Variants in MPV17L observed in about 807,000 individuals in gnomAD.
MPV17L encodes MPV17 mitochondrial inner membrane protein like, also known as mpv17-like protein.
MPV17L carries 24 observed loss-of-function variants against 25.8 expected under a neutral mutation model. That is an observed-to-expected ratio of 0.93 (90% CI 0.67 to 1.31). MPV17L has a LOEUF of 1.31. MPV17L is among the 50% of genes most tolerant of loss of function. The probability of loss-of-function intolerance (pLI) is 0.00; values close to 1 mark genes in which losing one functional copy is unlikely to be tolerated. For synonymous variants in MPV17L, 102 were observed against 115.3 expected (o/e 0.88, Z 0.74); for missense variants, 250 against 265.6 (o/e 0.94, Z 0.41).
chr16:15,401,813 T>G (rs1266527763), intron 2 of MPV17L, among the ~76,000 whole-genome samples: 2 of 151,984 alleles, frequency 1.3e-5, no homozygotes, highest in South Asian at 4.1e-4. Flanking sequence ...CAAGACTCCA[T>G]CTCAAAAAAG....
At chr16:15,400,498 G>A (rs542682516) in intron 1 of MPV17L, among the ~76,000 whole-genome samples, 5 of 151,782 alleles carry the variant, frequency 3.3e-5, no homozygotes, top group African/African-American at 1.2e-4. Flanking sequence ...CTACAGGCAC[G>A]CTACTACACC....
chr16:15,396,071 C>A lies in MPV17L; in HGVS notation c.174C>A (p.Phe58Leu), dbSNP rs2150903062. Residue 58 changes from phenylalanine (F) to leucine (L), a missense_variant, in exon 1 of 4, where the codon TTC becomes TTA. Phe to Leu is a conservative substitution (Grantham distance 22, BLOSUM62 0). Transcript: ENST00000396385. ...TRRVATLVVT[F>L]HANFNYVWLR... The stretch of plus-strand genomic sequence containing the variant: ...GCGTGGCCACGTTGGTGGTGACCTT[C>A]CACGCCAACTTCAACTACGTGTGGC... 3.2e-6 allele frequency: 5 copies of A among 1,545,068 alleles called. No homozygotes were observed. The highest frequency in any genetic ancestry group is 4.4e-6 in the Non-Finnish European group (5 of 1,148,518).
intron 1 of MPV17L, among the ~76,000 whole-genome samples, chr16:15,397,409 G>A (rs2050596480): frequency 6.6e-6 from 1 of 152,138 alleles, no homozygotes; most frequent in Non-Finnish European, 1.5e-5. Flanking sequence ...CCAGGGTTGG[G>A]GAAGAACAGG....
intron 2 of MPV17L, among the ~76,000 whole-genome samples, chr16:15,404,960 GC>G (rs1368531703): frequency 6.6e-6 from 1 of 152,082 alleles, no homozygotes; most frequent in Non-Finnish European, 1.5e-5. Context: ...TATTTTTAGC[GC>G]TCACATGTCC....
At chr16:15,407,722 A>G in intron 2 of MPV17L, 102 bp from the exon 3 acceptor site, 21 of 1,153,244 alleles carry the variant, frequency 1.8e-5, no homozygotes, top group Non-Finnish European at 2.4e-5. Flanking sequence ...AGTCTGGGCA[A>G]CAGAGTGAGA....
chr16:15,407,354 G>A (rs1198768109), intron 2 of MPV17L, among the ~76,000 whole-genome samples: 1 of 152,042 alleles, frequency 6.6e-6, no homozygotes, highest in African/African-American at 2.4e-5. Flanking sequence ...AAGTTAATCA[G>A]CTTAGTCTGA....
rs138400822 is a variant in MPV17L, at chr16:15,399,993, G to A, written c.311-794G>A. 3.4e-3 allele frequency among the ~76,000 whole-genome samples: 524 copies of A among 152,182 alleles called. 5 individuals carry two copies. The highest frequency in any genetic ancestry group is 0.012 in the African/African-American group (496 of 41,544). On this transcript the variant is annotated intron_variant, in intron 1 of 3. Transcript: ENST00000396385. ...CTAATTTTGTATTTTTAGTAGAGACGGGGTTTCTCCATGTTGGTCAGGCTG... is the reference window on the plus strand; with the variant it reads ...CTAATTTTGTATTTTTAGTAGAGACAGGGTTTCTCCATGTTGGTCAGGCTG...
chr16:15,407,268 T>C (rs115698711), intron 2 of MPV17L, among the ~76,000 whole-genome samples: 1 of 152,210 alleles, frequency 6.6e-6, no homozygotes, highest in African/African-American at 2.4e-5. Flanking sequence ...ATAATTAATA[T>C]AGGAATGTCT....
Position 15,409,339 on chromosome 16 carries a change from C to A in MPV17L, c.*1227C>A. 2 of 152,794 alleles carry A rather than the reference C, an allele frequency of 1.3e-5. No individual in the cohort carries two copies. Among genetic ancestry groups the A allele is most frequent in the South Asian group, 3.8e-4 (2 of 5,226 alleles). 9.5% of individuals were successfully genotyped at this position (152,794 alleles called of 1,614,324 possible). ...GAGCTCAAGCTAAGCCATCATATCC[C>A]AGTGACCTGCACATATACATCCAGA... On this transcript the variant is annotated 3_prime_UTR_variant, in exon 4 of 4. Transcript: ENST00000396385.
In MPV17L at chr16:15,400,957, TA is replaced by T. The variant is rs1206316418; in HGVS notation, c.381+106del. The T allele has an allele frequency of 7.7e-6, 6 of 775,996 alleles. No homozygotes were observed. The East Asian group carries it at 1.1e-4, about 14-fold the overall frequency. 48.1% of individuals were successfully genotyped at this position (775,996 alleles called of 1,614,324 possible). A position where few individuals can be genotyped will look rare whatever the true frequency, so the allele number is the denominator to read the frequency against. On this transcript the variant is annotated intron_variant, in intron 2 of 3. Transcript: ENST00000396385. ...GTTTTGTGTTTATATTTATAAAGAT[TA>T]AAAAATCTTTTAATTGACACATATA...
rs1239497351 is a variant in MPV17L at position 15,412,009 on chromosome 16, C to G, written c.*3897C>G. ...GCCCAGTTTACTTGTAATTAAAAATCATGCATCATTCACAATTTATCAGTC... is the reference window on the plus strand; with the variant it reads ...GCCCAGTTTACTTGTAATTAAAAATGATGCATCATTCACAATTTATCAGTC... On this transcript the variant is annotated 3_prime_UTR_variant, in exon 4 of 4. Transcript: ENST00000396385. 4 of 152,164 alleles carry G rather than the reference C, an allele frequency of 2.6e-5. No individual in the cohort carries two copies. Among genetic ancestry groups the G allele is most frequent in the African/African-American group, 9.7e-5 (4 of 41,438 alleles). The allele number at this position is 152,164 out of a possible 1,614,324, so 9.4% of individuals were successfully genotyped here.
intron 1 of MPV17L, among the ~76,000 whole-genome samples, chr16:15,398,894 G>A (rs1598422624): frequency 6.6e-6 from 1 of 152,000 alleles, no homozygotes; most frequent in African/African-American, 2.4e-5. Flanking sequence ...TCACCTGGCC[G>A]GTTTTCAGTT....
chr16:15,397,796 C>G (rs975899933), intron 1 of MPV17L, among the ~76,000 whole-genome samples: 5 of 138,206 alleles, frequency 3.6e-5, no homozygotes, highest in Non-Finnish European at 8.1e-5. Flanking sequence ...ACACAAACCA[C>G]CTGGTTGCCT....
At chr16:15,397,490 C>T (rs1241549755) in intron 1 of MPV17L, among the ~76,000 whole-genome samples, 3 of 152,072 alleles carry the variant, frequency 2.0e-5, no homozygotes, top group African/African-American at 7.2e-5. Context: ...TTGGAGATCC[C>T]CCGTCTGCTC....
chr16:15,405,960 G>A (rs1228592876), intron 2 of MPV17L, among the ~76,000 whole-genome samples: 1 of 151,778 alleles, frequency 6.6e-6, no homozygotes, highest in Non-Finnish European at 1.5e-5. Flanking sequence ...AGGCCAAGGC[G>A]GGCAGATCAC....
At chr16:15,401,088 T>TATA (rs56114822) in intron 2 of MPV17L, among the ~76,000 whole-genome samples, 94 of 55,628 alleles carry the variant, frequency 1.7e-3, no homozygotes, top group African/African-American at 4.3e-3. Context: ...ATATATATAT[T>TATA]TTTTTTTTTT....
chr16:15,405,551 C>T (rs1479512533), intron 2 of MPV17L, among the ~76,000 whole-genome samples: 1 of 150,722 alleles, frequency 6.6e-6, no homozygotes, highest in Non-Finnish European at 1.5e-5. Flanking sequence ...CGAATTCAAG[C>T]GACTCTCCTG....
chr16:15,395,786 C>A lies in MPV17L; in HGVS notation c.-112C>A. The A allele has an allele frequency of 1.0e-6, 1 of 983,158 alleles. No individual in the cohort carries two copies. The highest frequency in any genetic ancestry group is 1.4e-6 in the Non-Finnish European group (1 of 727,648). 60.9% of individuals were successfully genotyped at this position (983,158 alleles called of 1,614,324 possible). On this transcript the variant is annotated 5_prime_UTR_variant, in exon 1 of 4. Coordinates refer to ENST00000396385, the MANE Select transcript of MPV17L (RefSeq NM_001128423.2). ...CCGGAGCTTCTGGAGGGGGCAGATG[C>A]AGGTGCCGGCTGCTGCAGTGCAGTA...
chr16:15,400,772 G>A lies in MPV17L; in HGVS notation c.311-15G>A. The A allele has an allele frequency of 6.3e-7, 1 of 1,575,430 alleles. No individual in the cohort carries two copies. Among genetic ancestry groups the A allele is most frequent in the East Asian group, 2.3e-5 (1 of 44,422 alleles). ...TACTGAATCTTTTAAAATTTTTTTT[G>A]GGTTTTGCAAATAGGTATGAGCATT... On this transcript the variant is annotated splice_polypyrimidine_tract_variant and intron_variant, in intron 1 of 3. Transcript: ENST00000396385.
Sources: gnomAD v4.1 joint callset for allele counts (sites outside exome capture counted in the v4.1 genomes callset) on GRCh38, gnomAD v4.1.1 for gene constraint, MANE v1.5 for transcripts, NCBI Gene and HGNC (gene_info 2026-07-23, HGNC 2026-07-21) for gene names.